The following RBMS3 variants were observed in gnomAD, a reference collection of about 807,000 sequenced individuals.
The protein encoded by RBMS3 is RNA binding motif single stranded interacting protein 3, also known as RNA-binding motif, single-stranded-interacting protein 3.
RBMS3 carries 27 observed loss-of-function variants against 66.8 expected under a neutral mutation model. That is an observed-to-expected ratio of 0.40 (90% CI 0.30 to 0.56). The LOEUF (loss-of-function observed/expected upper bound fraction) is 0.56, where lower values mean the gene tolerates loss of function less well. Among genes scored for constraint, RBMS3 ranks in the 20% least tolerant of loss-of-function variants. RBMS3 has a pLI of 0.40. For missense variants in RBMS3, 513 were observed against 549.5 expected, an observed-to-expected ratio of 0.93 and a Z score of 0.66; for synonymous variants, 188 against 183.0, an observed-to-expected ratio of 1.03 and a Z score of -0.22.
chr3:29,554,495 G>C (rs1001948781), intron 3 of RBMS3, among the ~76,000 whole-genome samples: 1 of 152,120 alleles, frequency 6.6e-6, no homozygotes, highest in African/African-American at 2.4e-5. Flanking sequence ...ATGAAAATGA[G>C]AGACTTATTT....
chr3:29,788,646 G>T (rs1293237386), intron 6 of RBMS3, among the ~76,000 whole-genome samples: 1 of 152,100 alleles, frequency 6.6e-6, no homozygotes, highest in Non-Finnish European at 1.5e-5. Flanking sequence ...CTTACTTACA[G>T]AGATCTAGGT....
chr3:29,762,693 A>G (rs1268310305), intron 5 of RBMS3, among the ~76,000 whole-genome samples: 1 of 152,114 alleles, frequency 6.6e-6, no homozygotes, highest in Non-Finnish European at 1.5e-5. Flanking sequence ...AGAGCCCTCC[A>G]CATAGACACC....
Position 29,374,879 on chromosome 3 carries a change from G to A in RBMS3, c.76-59864G>A, listed in dbSNP as rs563380579. On this transcript the variant is annotated intron_variant, in intron 1 of 14. Coordinates refer to ENST00000383767, the MANE Select transcript of RBMS3 (RefSeq NM_001003793.3). ...CTATTTACATGTATTGTGTCTGTAT[G>A]ATGACAACTATATAATGAGGTGCTA... is the stretch of plus-strand genomic sequence containing the variant. 5.3e-5 allele frequency among the ~76,000 whole-genome samples: 8 copies of A among 152,298 alleles called. No homozygotes were observed. In the East Asian group the frequency reaches 1.2e-3, roughly 22 times the overall value.
At chr3:29,949,755 T>A (rs1044089252) in intron 12 of RBMS3, among the ~76,000 whole-genome samples, 5 of 151,404 alleles carry the variant, frequency 3.3e-5, no homozygotes, top group African/African-American at 9.7e-5. Flanking sequence ...TTTTATATAT[T>A]TTTTTAATAT....
chr3:29,544,451 G>A (rs183941052), intron 3 of RBMS3, among the ~76,000 whole-genome samples: 22 of 151,614 alleles, frequency 1.5e-4, no homozygotes, highest in African/African-American at 5.1e-4. Context: ...AACTAACTTT[G>A]GAAATTTTCA....
At chr3:29,679,612 C>T (rs138213285) in intron 4 of RBMS3, among the ~76,000 whole-genome samples, 6 of 152,108 alleles carry the variant, frequency 3.9e-5, no homozygotes, top group Non-Finnish European at 5.9e-5. Flanking sequence ...CTTGATACTG[C>T]AGTGTGCTCA....
intron 1 of RBMS3, among the ~76,000 whole-genome samples, chr3:29,343,455 G>C (rs1186167378): frequency 6.6e-6 from 1 of 151,166 alleles, no homozygotes; most frequent in African/African-American, 2.4e-5. Flanking sequence ...AAATAAACTT[G>C]CTACTTGAAA....
chr3:29,681,152 C>T (rs2051472515), intron 4 of RBMS3, among the ~76,000 whole-genome samples: 1 of 152,148 alleles, frequency 6.6e-6, no homozygotes, highest in African/African-American at 2.4e-5. Flanking sequence ...TCTGCTCAGC[C>T]TACTTGTTGG....
At chr3:29,316,124 G>T (rs2034660567) in intron 1 of RBMS3, among the ~76,000 whole-genome samples, 3 of 151,644 alleles carry the variant, frequency 2.0e-5, no homozygotes, top group Admixed American at 6.6e-5. Flanking sequence ...GGCCATCACT[G>T]CCTAGTCCAG....
chr3:29,656,575 C>T (rs1421200035), intron 4 of RBMS3, among the ~76,000 whole-genome samples: 1 of 152,100 alleles, frequency 6.6e-6, no homozygotes, highest in African/African-American at 2.4e-5. Flanking sequence ...TATAAAGACT[C>T]TGTATGCAAT....
chr3:29,950,387 G>A (rs1695602723), intron 12 of RBMS3, among the ~76,000 whole-genome samples: 1 of 151,816 alleles, frequency 6.6e-6, no homozygotes, highest in African/African-American at 2.4e-5. Flanking sequence ...ATAATACGCA[G>A]CAGAGCACTT....
At chr3:29,743,514 G>A (rs576543396) in intron 5 of RBMS3, among the ~76,000 whole-genome samples, 23 of 152,176 alleles carry the variant, frequency 1.5e-4, no homozygotes, top group Admixed American at 8.5e-4. Context: ...CCAATCTACC[G>A]AATTAACAGT....
intron 1 of RBMS3, among the ~76,000 whole-genome samples, chr3:29,395,356 C>T (rs148033479): frequency 3.9e-5 from 6 of 152,118 alleles, no homozygotes; most frequent in South Asian, 2.1e-4. Flanking sequence ...ATTTGTAAAA[C>T]GGCATGTAGG....
At chr3:29,322,757 A>G (rs559354149) in intron 1 of RBMS3, among the ~76,000 whole-genome samples, 3 of 152,220 alleles carry the variant, frequency 2.0e-5, no homozygotes, top group African/African-American at 4.8e-5. Context: ...TTTAGAAGGT[A>G]TTTAAACCTC....
At chr3:29,727,357 T>C (rs1433194258) in intron 4 of RBMS3, among the ~76,000 whole-genome samples, 2 of 152,106 alleles carry the variant, frequency 1.3e-5, no homozygotes, top group African/African-American at 4.8e-5. Flanking sequence ...AAGGCCAGAA[T>C]TGACAGATTG....
chr3:29,369,347 T>C (rs749876273), intron 1 of RBMS3, among the ~76,000 whole-genome samples: 62 of 151,574 alleles, frequency 4.1e-4, no homozygotes, highest in Admixed American at 8.5e-4. Context: ...TTATATTAGG[T>C]TGGTGCAAAA....
intron 4 of RBMS3, among the ~76,000 whole-genome samples, chr3:29,686,028 A>G (rs2051717928): frequency 6.6e-6 from 1 of 152,172 alleles, no homozygotes; most frequent in Admixed American, 6.5e-5. Flanking sequence ...ATTACTGGAG[A>G]TGGAGGCAAG....
At chr3:29,545,458 A>T (rs991441553) in intron 3 of RBMS3, among the ~76,000 whole-genome samples, 1 of 152,192 alleles carries the variant, frequency 6.6e-6, no homozygotes, top group Non-Finnish European at 1.5e-5. Context: ...GATACTTTCA[A>T]TAAAATCCTA....
At chr3:29,784,109 A>G (rs1266473389) in intron 6 of RBMS3, among the ~76,000 whole-genome samples, 1 of 152,190 alleles carries the variant, frequency 6.6e-6, no homozygotes, top group East Asian at 1.9e-4. Context: ...GGGGACTTTA[A>G]TACTCCACTG....
Sources: gnomAD v4.1 joint callset for allele counts (sites outside exome capture counted in the v4.1 genomes callset) on GRCh38, gnomAD v4.1.1 for gene constraint, MANE v1.5 for transcripts, NCBI Gene and HGNC (gene_info 2026-07-23, HGNC 2026-07-21) for gene names.